Variants in UPF3B observed in about 807,000 individuals in gnomAD.
The protein encoded by UPF3B is regulator of nonsense transcripts 3B.
UPF3B carries 7 observed loss-of-function variants against 40.3 expected under a neutral mutation model. The observed-to-expected ratio is 0.17, with a 90% CI of 0.10 to 0.33. The LOEUF (loss-of-function observed/expected upper bound fraction) is 0.33. UPF3B is among the 10% of genes least tolerant of loss of function. The probability of loss-of-function intolerance (pLI) is 1.00; values close to 1 mark genes in which losing one functional copy is unlikely to be tolerated. For missense variants in UPF3B, 229 were observed against 358.9 expected, an observed-to-expected ratio of 0.64 and a Z score of 2.93; for synonymous variants, 117 against 117.3, an observed-to-expected ratio of 1.00 and a Z score of 0.01.
intron 6 of UPF3B, among the ~76,000 whole-genome samples, chrX:119,807,075 C>T (rs1176624275): frequency 1.1e-5 from 1 of 93,964 alleles, no homozygotes; most frequent in Non-Finnish European, 2.1e-5. Context: ...GAAAATTCAA[C>T]TCGGGATGAA....
At chrX:119,850,155 C>T (rs1471244076) in intron 3 of UPF3B, among the ~76,000 whole-genome samples, 2 of 110,284 alleles carry the variant, frequency 1.8e-5, no homozygotes, top group Non-Finnish European at 3.8e-5. Context: ...GAAAATTAGC[C>T]AGGCATGGTG....
At chrX:119,811,644 C>A (rs865922074) in intron 5 of UPF3B, among the ~76,000 whole-genome samples, 107 of 70,753 alleles carry the variant, frequency 1.5e-3, no homozygotes, top group African/African-American at 1.6e-3. Flanking sequence ...GACTCAGTCT[C>A]AAAAAAAAAA....
At chrX:119,850,900 G>A (rs1016860545) in intron 3 of UPF3B, among the ~76,000 whole-genome samples, 13 of 111,739 alleles carry the variant, frequency 1.2e-4, no homozygotes, top group African/African-American at 3.6e-4. Context: ...CGCCACGCCT[G>A]GCTAATTTTT....
downstream of UPF3B, among the ~76,000 whole-genome samples, chrX:119,830,660 C>T (rs2056026295): frequency 9.2e-6 from 1 of 108,139 alleles, no homozygotes. Flanking sequence ...TGGAAAAAAC[C>T]AAGGTAAGCT....
chrX:119,845,838 A>AT (rs2056221362), intron 3 of UPF3B, among the ~76,000 whole-genome samples: 1 of 111,402 alleles, frequency 9.0e-6, no homozygotes, highest in Non-Finnish European at 1.9e-5. Context: ...CATGTGAATT[A>AT]TATCTCAATA....
intron 3 of UPF3B, among the ~76,000 whole-genome samples, chrX:119,827,581 G>T (rs1050075764): frequency 9.0e-6 from 1 of 111,079 alleles, no homozygotes; most frequent in Non-Finnish European, 1.9e-5. Context: ...ATTTTTAATA[G>T]AGACAGGGTT....
intron 3 of UPF3B, among the ~76,000 whole-genome samples, chrX:119,825,623 A>T (rs191564037): frequency 1.8e-5 from 2 of 111,867 alleles, no homozygotes; most frequent in East Asian, 5.6e-4. Flanking sequence ...ATCAGAACAA[A>T]ATGAATTCTG....
chrX:119,830,741 CAAAAAA>C (rs1212201382), downstream of UPF3B, among the ~76,000 whole-genome samples: 1 of 82,651 alleles, frequency 1.2e-5, no homozygotes. Context: ...TACTGTGTCT[CAAAAAA>C]AAAAAAAAAG....
intron 8 of UPF3B, 67 bp from the exon 9 acceptor site, chrX:119,838,594 A>G: frequency 9.2e-7 from 1 of 1,085,858 alleles, no homozygotes; most frequent in African/African-American, 1.8e-5. Flanking sequence ...AAAACCCAGT[A>G]TACCAAATAT....
chrX:119,807,027 T>TAAAAAAAAAAAA (rs1191950024), intron 6 of UPF3B, among the ~76,000 whole-genome samples: 9 of 21,414 alleles, frequency 4.2e-4, no homozygotes, highest in Non-Finnish European at 7.0e-4. Context: ...AGACCCTGTC[T>TAAAAAAAAAAAA]AAAAAAAAAA....
Position 119,834,038 on chromosome X carries a change from G to A in UPF3B, c.*840C>T. 1.3e-6 allele frequency: 1 copy of A among 754,307 alleles called. No homozygotes were observed. The highest frequency in any genetic ancestry group is 1.6e-6 in the Non-Finnish European group (1 of 639,192). 62.2% of individuals were successfully genotyped at this position (754,307 alleles called of 1,213,427 possible). A position where few individuals can be genotyped will look rare whatever the true frequency, so the allele number is the denominator to read the frequency against. On this transcript the variant is annotated 3_prime_UTR_variant, in exon 11 of 11. Transcript: ENST00000276201. ...ACACTTAGCTTCACACTTGAATGCT[G>A]TTACTATTTATTGACATCAAAACGA...
intron 4 of UPF3B, among the ~76,000 whole-genome samples, chrX:119,843,547 G>A (rs1467354379): frequency 8.9e-6 from 1 of 111,879 alleles, no homozygotes; most frequent in African/African-American, 3.2e-5. Flanking sequence ...GAGACGCCAT[G>A]CATTATAACA....
At chrX:119,822,931 A>T in intron 4 of UPF3B, 1 of 917,020 alleles carries the variant, frequency 1.1e-6, no homozygotes, top group Non-Finnish European at 1.4e-6. Context: ...TCTATGGCTA[A>T]TACCACTTTC....
At chrX:119,831,286 G>A (rs765245531), downstream of UPF3B, among the ~76,000 whole-genome samples, 12 of 109,475 alleles carry the variant, frequency 1.1e-4, no homozygotes, top group Non-Finnish European at 2.3e-4. Flanking sequence ...GACACCTAAG[G>A]CCATCAGGAC....
intron 4 of UPF3B, among the ~76,000 whole-genome samples, chrX:119,818,856 G>A (rs1436851098): frequency 1.8e-5 from 2 of 111,035 alleles, no homozygotes; most frequent in Non-Finnish European, 3.8e-5. Flanking sequence ...AAAGTGTAAC[G>A]GGAGGTGATA....
At chrX:119,818,516 G>T (rs2055884604) in intron 4 of UPF3B, among the ~76,000 whole-genome samples, 1 of 111,796 alleles carries the variant, frequency 8.9e-6, no homozygotes, top group Non-Finnish European at 1.9e-5. Flanking sequence ...GGAGGCAGAG[G>T]TTGCAGTGAG....
At chrX:119,813,516 A>T (rs1297723790) in intron 5 of UPF3B, among the ~76,000 whole-genome samples, 5 of 110,295 alleles carry the variant, frequency 4.5e-5, no homozygotes, top group Non-Finnish European at 7.6e-5. Flanking sequence ...CGACTTGTAC[A>T]GCCTGCAGAA....
Position 119,838,393 on chromosome X carries a change from G to A in UPF3B, c.981C>T (p.Ser327=), listed in dbSNP as rs747520880. The change falls in exon 9 of 11, where the codon AGC becomes AGT. Residue 327 remains serine, a synonymous_variant. Coordinates refer to ENST00000276201, the MANE Select transcript of UPF3B (RefSeq NM_080632.3). ...TCTTTGGTTTTTCATCTTTAAGTTCGCTATCAGAACGCTTGGGCAATGTAC... is the reference window on the plus strand; with the variant it reads ...TCTTTGGTTTTTCATCTTTAAGTTCACTATCAGAACGCTTGGGCAATGTAC... ...QSCTLPKRSD[S]ELKDEKPKRP... The A allele has an allele frequency of 8.3e-6, 10 of 1,211,571 alleles. No individual in the cohort carries two copies. In the East Asian group the frequency reaches 8.9e-5, roughly 11 times the overall value.
In UPF3B at chrX:119,852,912, T is replaced by C. The variant is rs1330410963; in HGVS notation, c.17A>G (p.Glu6Gly). MKEEK[E>G]HRPKEKRVTL... Reference sequence around the variant, plus strand: ...TACTCGCTTCTCCTTAGGCCTGTGCTCCTTCTCTTCCTTCATGGCTACGTC... The same window carrying C: ...TACTCGCTTCTCCTTAGGCCTGTGCCCCTTCTCTTCCTTCATGGCTACGTC... The change falls in exon 1 of 11, where the codon GAG becomes GGG. Residue 6 changes from glutamate (E) to glycine (G), a missense_variant. Physicochemically the swap from Glu to Gly is moderately conservative, Grantham distance 98. This residue lies in a region of UPF3B where 23 missense variants were observed against 21.0 expected (regional missense o/e 1.10). Transcript: ENST00000276201. 3 of 1,212,189 alleles carry C rather than the reference T, an allele frequency of 2.5e-6. No homozygotes were observed. The highest frequency in any genetic ancestry group is 3.3e-6 in the Non-Finnish European group (3 of 895,598).
Sources: gnomAD v4.1 joint callset for allele counts (sites outside exome capture counted in the v4.1 genomes callset) on GRCh38, gnomAD v4.1.1 for gene constraint, gnomAD v4.1.1 regional missense constraint, MANE v1.5 for transcripts, NCBI Gene and HGNC (gene_info 2026-07-23, HGNC 2026-07-21) for gene names.